The following OCA2 variants were observed in gnomAD, a reference collection of about 807,000 sequenced individuals.
OCA2 encodes P protein.
A neutral mutation model predicts 100.2 loss-of-function variants in OCA2; 77 were observed. The ratio of observed to expected loss-of-function variants is 0.77; its 90% CI spans 0.64 to 0.93. The LOEUF (loss-of-function observed/expected upper bound fraction) is 0.93, where lower values mean the gene tolerates loss of function less well. OCA2 is among the 40% of genes least tolerant of loss of function. The pLI is 0.00. For missense variants in OCA2, 1,062 were observed against 1,089.1 expected, an observed-to-expected ratio of 0.98 and a Z score of 0.35; for synonymous variants, 432 against 439.2, an observed-to-expected ratio of 0.98 and a Z score of 0.21.
chr15:27,799,124 A>C (rs1242182142), intron 23 of OCA2, among the ~76,000 whole-genome samples: 1 of 72,132 alleles, frequency 1.4e-5, no homozygotes, highest in Non-Finnish European at 4.3e-5. Flanking sequence ...CTTTCTTTGC[A>C]ATCGTCAGGC....
rs1041458592 is a variant in OCA2, at chr15:27,897,655, G to A, written c.2080-25733C>T. ...TTCATGAAGAACCTCTGCTAGGACA[G>A]TGCAGCAGAAAAATGTGGGGTCAGA... is the stretch of plus-strand genomic sequence containing the variant. On this transcript the variant is annotated intron_variant, in intron 19 of 23. Transcript: ENST00000354638. Among the ~76,000 whole-genome samples, 8 of 152,234 alleles carry A rather than the reference G, an allele frequency of 5.3e-5. No homozygotes were observed. The East Asian group carries it at 1.5e-3, about 29-fold the overall frequency.
At chr15:27,845,855 G>A (rs1039963666) in intron 22 of OCA2, among the ~76,000 whole-genome samples, 8 of 152,166 alleles carry the variant, frequency 5.3e-5, no homozygotes, top group African/African-American at 1.9e-4. Flanking sequence ...TGGGTGAACT[G>A]TGCAACACTG....
intron 11 of OCA2, among the ~76,000 whole-genome samples, chr15:27,987,699 A>G (rs1326912850): frequency 6.6e-6 from 1 of 152,124 alleles, no homozygotes; most frequent in Non-Finnish European, 1.5e-5. Context: ...ACTGCACTCC[A>G]GCCTGGAGAC....
chr15:27,782,145 G>A (rs2032576793), intron 23 of OCA2, among the ~76,000 whole-genome samples: 1 of 152,130 alleles, frequency 6.6e-6, no homozygotes, highest in South Asian at 2.1e-4. Flanking sequence ...ATGTTCGTAT[G>A]TATATAATAG....
the OCA2 span, among the ~76,000 whole-genome samples, chr15:27,743,041 G>T: frequency 2.0e-5 from 3 of 152,308 alleles, no homozygotes; most frequent in African/African-American, 4.8e-5. Flanking sequence ...TAGACATTCC[G>T]CAAGGCTCCA....
chr15:27,926,179 C>A lies in OCA2; in HGVS notation c.2027G>T (p.Arg676Ile). ...DIHDFEIILHRVEWATLLFFA... is the reference protein window; with the variant it reads ...DIHDFEIILHIVEWATLLFFA... Reference sequence around the variant, plus strand: ...AAACAGAAGGGTTGCCCATTCCACTCTGTGTAGAATTATCTCAAAATCATG... The same window carrying A: ...AAACAGAAGGGTTGCCCATTCCACTATGTGTAGAATTATCTCAAAATCATG... The change falls in exon 19 of 24, where the codon AGA becomes ATA. Residue 676 changes from arginine (R) to isoleucine (I), a missense_variant. Coordinates refer to ENST00000354638, the MANE Select transcript of OCA2 (RefSeq NM_000275.3). 2 of 1,614,132 alleles carry A rather than the reference C, an allele frequency of 1.2e-6. No individual in the cohort carries two copies. Among genetic ancestry groups the A allele is most frequent in the Non-Finnish European group, 1.7e-6 (2 of 1,179,988 alleles).
chr15:27,999,980 G>A (rs2041876752), intron 9 of OCA2, among the ~76,000 whole-genome samples: 1 of 152,112 alleles, frequency 6.6e-6, no homozygotes, highest in Non-Finnish European at 1.5e-5. Context: ...CAAATAAATG[G>A]AAAGATATCC....
Position 27,955,157 on chromosome 15 carries a change from C to T in OCA2, c.1842+1G>A, listed in dbSNP as rs387906240. 6.2e-7 allele frequency: 1 copy of T among 1,607,594 alleles called. No homozygotes were observed. The highest frequency in any genetic ancestry group is 1.3e-5 in the African/African-American group (1 of 74,914). On this transcript the variant is annotated splice_donor_variant, in intron 17 of 23. Coordinates refer to ENST00000354638, the MANE Select transcript of OCA2 (RefSeq NM_000275.3). LOFTEE classifies it high-confidence loss of function. ...ATCCCTGAGGAAAGAAAGCTGGGTA[C>T]CTTTTTTTGGAGTTCTTGGATATTG...
intron 19 of OCA2, among the ~76,000 whole-genome samples, chr15:27,886,570 T>C (rs2037232293): frequency 1.3e-5 from 2 of 152,108 alleles, no homozygotes; most frequent in African/African-American, 4.8e-5. Context: ...CAAAGAAACT[T>C]TAACAATATA....
At chr15:27,804,602 G>A (rs1429208253) in intron 23 of OCA2, among the ~76,000 whole-genome samples, 2 of 152,180 alleles carry the variant, frequency 1.3e-5, no homozygotes, top group African/African-American at 4.8e-5. Flanking sequence ...AAGGGGCTCT[G>A]ACAAAAATAA....
intron 23 of OCA2, among the ~76,000 whole-genome samples, chr15:27,825,658 T>A (rs1425711803): frequency 6.6e-6 from 1 of 152,124 alleles, no homozygotes; most frequent in Non-Finnish European, 1.5e-5. Context: ...CATTTTAGGG[T>A]GATGTCCCCG....
chr15:27,896,424 G>A, intron 19 of OCA2: 1 of 707,118 alleles, frequency 1.4e-6, no homozygotes, highest in Admixed American at 1.8e-5. Context: ...GAAAGCTCAT[G>A]CTGCTATATG....
At chr15:27,954,565 A>T (rs1241412289) in intron 17 of OCA2, among the ~76,000 whole-genome samples, 1 of 152,124 alleles carries the variant, frequency 6.6e-6, no homozygotes, top group East Asian at 1.9e-4. Flanking sequence ...TAGAAAACAA[A>T]CTGCATGGAT....
In OCA2 at chr15:28,036,362, G is replaced by C. The variant is rs141945675; in HGVS notation, c.228-4199C>G. ...TGCCCATGGTCCTTTTGCTGGAAGA[G>C]AGCCTGTCCCCATTACTCCCTGTTT... is the stretch of plus-strand genomic sequence containing the variant. On this transcript the variant is annotated intron_variant, in intron 2 of 23. Coordinates refer to ENST00000354638, the MANE Select transcript of OCA2 (RefSeq NM_000275.3). Among the ~76,000 whole-genome samples, 6 of 152,252 alleles carry C rather than the reference G, an allele frequency of 3.9e-5. No individual in the cohort carries two copies. In the South Asian group the frequency reaches 6.2e-4, roughly 16 times the overall value.
intron 2 of OCA2, among the ~76,000 whole-genome samples, chr15:28,072,589 CAAAAA>C: frequency 1.7e-5 from 1 of 60,064 alleles, no homozygotes; most frequent in African/African-American, 4.9e-5. Flanking sequence ...GATTCCGTCT[CAAAAA>C]AAAAAAAAAA....
At chr15:28,015,001 G>T in intron 8 of OCA2, 72 bp from the exon 9 acceptor site, 5 of 1,498,404 alleles carry the variant, frequency 3.3e-6, no homozygotes, top group Non-Finnish European at 4.6e-6. Flanking sequence ...TATCAGCCAT[G>T]GCATTAACCA....
the OCA2 span, among the ~76,000 whole-genome samples, chr15:27,736,102 TTAGA>T: frequency 6.6e-6 from 1 of 152,136 alleles, no homozygotes; most frequent in Non-Finnish European, 1.5e-5. Flanking sequence ...AAATATAAAA[TTAGA>T]TCTGCTAATT....
At chr15:28,007,958 C>T (rs982377243) in intron 9 of OCA2, among the ~76,000 whole-genome samples, 1 of 152,130 alleles carries the variant, frequency 6.6e-6, no homozygotes, top group African/African-American at 2.4e-5. Flanking sequence ...TGGAAAGTGC[C>T]CCCCACGTAG....
intron 2 of OCA2, among the ~76,000 whole-genome samples, chr15:28,066,859 A>C (rs577203690): frequency 2.0e-5 from 3 of 152,298 alleles, no homozygotes; most frequent in East Asian, 3.9e-4. Flanking sequence ...TAATCCGGAC[A>C]TTCCTTTCTA....
Sources: allele counts gnomAD v4.1 joint callset (sites outside exome capture counted in the v4.1 genomes callset), GRCh38; gene constraint gnomAD v4.1.1; transcripts MANE v1.5; gene names NCBI Gene and HGNC (gene_info 2026-07-23, HGNC 2026-07-21).